Variants in SLC34A1 observed in about 807,000 individuals in gnomAD.
SLC34A1 encodes the protein sodium-dependent phosphate transport protein 2A.
SLC34A1 carries 57 observed loss-of-function variants against 51.4 expected under a neutral mutation model. The observed-to-expected ratio is 1.11, with a 90% CI of 0.90 to 1.38. The LOEUF is 1.38. Ranked by LOEUF, SLC34A1 falls within the 40% of genes most tolerant of loss-of-function variation. The probability of loss-of-function intolerance (pLI) is 0.00; values close to 1 mark genes in which losing one functional copy is unlikely to be tolerated. For missense variants in SLC34A1, 796 were observed against 835.6 expected (o/e 0.95, Z 0.58); for synonymous variants, 368 against 358.0 (o/e 1.03, Z -0.32).
At position 177,386,635 on chromosome 5, in the gene SLC34A1, G is replaced by T; in HGVS notation, c.532+69G>T. On this transcript the variant is annotated intron_variant, in intron 5 of 12. Transcript: ENST00000324417. This position sits in a 1 kb window ranked among gnomAD's most constrained non-coding sequence, Gnocchi z 4.8. ...CCAGGAGCTGGGAAGGGTGGCAAAT[G>T]GGGAGCGTGACCCCAGTAAGGCTGG... is the stretch of plus-strand genomic sequence containing the variant. 4 of 1,585,978 alleles carry T rather than the reference G, an allele frequency of 2.5e-6. No individual in the cohort carries two copies. The highest frequency in any genetic ancestry group is 3.4e-6 in the Non-Finnish European group (4 of 1,161,026).
chr5:177,385,750 C>T lies in SLC34A1; in HGVS notation c.9C>T (p.Ser3=), dbSNP rs1280388680. 1.3e-5 allele frequency: 21 copies of T among 1,612,412 alleles called. No homozygotes were observed. The highest frequency in any genetic ancestry group is 1.8e-5 in the Non-Finnish European group (21 of 1,179,502). The change falls in exon 2 of 13, where the codon TCC becomes TCT. Residue 3 remains serine (S), a synonymous_variant. Coordinates refer to ENST00000324417, the MANE Select transcript of SLC34A1 (RefSeq NM_003052.5). ML[S]YGERLGSPAV... is the part of the protein sequence containing the mutation. ...CATAGTGGGTGCCCAGGATGTTGTC[C>T]TACGGAGAGAGGCTGGGGTCCCCTG...
chr5:177,397,541 T>C, intron 12 of SLC34A1: 1 of 596,606 alleles, frequency 1.7e-6, no homozygotes. Context: ...GAGGGGTCAG[T>C]GGGGAAAATG....
chr5:177,390,099 C>T, intron 8 of SLC34A1: 1 of 1,103,812 alleles, frequency 9.1e-7, no homozygotes, highest in South Asian at 2.7e-5. Flanking sequence ...AAAGACGGGC[C>T]ACAGAGTCTC....
chr5:177,388,320 C>T lies in SLC34A1; in HGVS notation c.884C>T (p.Ser295Phe). The T allele has an allele frequency of 6.2e-7, 1 of 1,614,182 alleles. No individual in the cohort carries two copies. The highest frequency in any genetic ancestry group is 2.2e-5 in the East Asian group (1 of 44,886). ...ACCAGCATTGCCACTGGTGATGAGT[C>T]CCTGAGGAACCACAGTCTCATCCAG... ...VITSIATGDESLRNHSLIQIW... is the reference protein window; with the variant it reads ...VITSIATGDEFLRNHSLIQIW... Residue 295 changes from serine (S) to phenylalanine (F), a missense_variant, in exon 8 of 13, where the codon TCC becomes TTC. Coordinates refer to ENST00000324417, the MANE Select transcript of SLC34A1 (RefSeq NM_003052.5). This position sits in a 1 kb window ranked among gnomAD's most constrained non-coding sequence, Gnocchi z 4.3.
In SLC34A1 at chr5:177,387,830, A is replaced by T; in HGVS notation, c.601A>T (p.Ile201Phe). Residue 201 changes from isoleucine to phenylalanine, a missense_variant, in exon 6 of 13, where the codon ATC (isoleucine) becomes TTC (phenylalanine). Coordinates refer to ENST00000324417, the MANE Select transcript of SLC34A1 (RefSeq NM_003052.5). Reference protein sequence around the residue: ...SNIGTSVTNTIVALMQAGDRT... With the variant: ...SNIGTSVTNTFVALMQAGDRT... ...CATCGGCACCTCTGTCACCAACACC[A>T]TCGTGGCCCTGATGCAGGCGGGGGA... The T allele has an allele frequency of 2.5e-6, 4 of 1,604,188 alleles. No individual in the cohort carries two copies. The highest frequency in any genetic ancestry group is 3.4e-6 in the Non-Finnish European group (4 of 1,177,088).
At chr5:177,395,525 G>A (rs1762929437) in intron 10 of SLC34A1, among the ~76,000 whole-genome samples, 1 of 152,186 alleles carries the variant, frequency 6.6e-6, no homozygotes, top group African/African-American at 2.4e-5. Context: ...CACGGAAGGG[G>A]CCAGAGCATG....
intron 5 of SLC34A1, among the ~76,000 whole-genome samples, chr5:177,387,501 C>T (rs1012486968): frequency 3.3e-5 from 5 of 152,246 alleles, no homozygotes; most frequent in Admixed American, 1.3e-4. Flanking sequence ...GCCCTCATAA[C>T]GAAGGCCTCA....
chr5:177,393,586 G>A, intron 8 of SLC34A1, 108 bp from the exon 9 acceptor site: 1 of 1,026,568 alleles, frequency 9.7e-7, no homozygotes, highest in Non-Finnish European at 1.5e-6. Flanking sequence ...CATGGTCACA[G>A]AGCAGGAGGC....
Position 177,389,505 on chromosome 5 carries a change from T to A in SLC34A1, c.936+1133T>A, listed in dbSNP as rs1021715004. Reference sequence around the variant, plus strand: ...AGCCTCTGAGTGTTCAAAGCAGCCTTACATAAAAAAAAACCCCTGCGGGCA... The same window carrying A: ...AGCCTCTGAGTGTTCAAAGCAGCCTAACATAAAAAAAAACCCCTGCGGGCA... On this transcript the variant is annotated intron_variant, in intron 8 of 12. Transcript: ENST00000324417. 7 of 1,108,258 alleles carry A rather than the reference T, an allele frequency of 6.3e-6. No individual in the cohort carries two copies. The East Asian group carries it at 1.8e-4, about 29-fold the overall frequency. The allele number at this position is 1,108,258 out of a possible 1,614,324, so 68.7% of individuals were successfully genotyped here.
rs1175427150 is a variant in SLC34A1, at chr5:177,398,201, C to G, written c.1835C>G (p.Pro612Arg). Residue 612 changes from proline to arginine, a missense_variant, in exon 13 of 13, where the codon CCC becomes CGC. Physicochemically the swap from Pro to Arg is moderately radical, Grantham distance 103. Coordinates refer to ENST00000324417, the MANE Select transcript of SLC34A1 (RefSeq NM_003052.5). This position sits in a 1 kb window ranked among gnomAD's most constrained non-coding sequence, Gnocchi z 4.7. ...RPEPRSPPLP[P>R]RVFLEELPPA... ...GAGCCCCGCTCACCCCCGCTGCCCC[C>G]CAGGGTCTTCCTGGAGGAGCTACCC... 6 of 1,607,870 alleles carry G rather than the reference C, an allele frequency of 3.7e-6. No individual in the cohort carries two copies. Among genetic ancestry groups the G allele is most frequent in the Non-Finnish European group, 5.1e-6 (6 of 1,179,862 alleles).
intron 8 of SLC34A1, chr5:177,390,551 C>T: frequency 4.7e-6 from 1 of 213,110 alleles, no homozygotes; most frequent in Non-Finnish European, 8.0e-6. Context: ...GTCTGACATT[C>T]TACTATGTAT....
chr5:177,390,019 G>C, intron 8 of SLC34A1: 4 of 1,311,738 alleles, frequency 3.0e-6, no homozygotes, highest in Non-Finnish European at 3.9e-6. Flanking sequence ...CCCCGAAGGA[G>C]TGTGACTCAC....
intron 8 of SLC34A1, chr5:177,390,130 G>A (rs2127350211): frequency 9.6e-7 from 1 of 1,036,920 alleles, no homozygotes; most frequent in African/African-American, 1.7e-5. Context: ...CTTCCAACCT[G>A]TTCCCATTGA....
chr5:177,398,203 A>G lies in SLC34A1; in HGVS notation c.1837A>G (p.Arg613Gly), dbSNP rs754248536. Residue 613 changes from arginine (R) to glycine (G), a missense_variant, in exon 13 of 13, where the codon AGG becomes GGG. Arg to Gly is a moderately radical substitution (Grantham distance 125, BLOSUM62 -2). Coordinates refer to ENST00000324417, the MANE Select transcript of SLC34A1 (RefSeq NM_003052.5). This position sits in a 1 kb window ranked among gnomAD's most constrained non-coding sequence, Gnocchi z 4.7. ...GCCCCGCTCACCCCCGCTGCCCCCC[A>G]GGGTCTTCCTGGAGGAGCTACCCCC... ...PEPRSPPLPP[R>G]VFLEELPPAT... 2 of 1,599,972 alleles carry G rather than the reference A, an allele frequency of 1.3e-6. No individual in the cohort carries two copies. The highest frequency in any genetic ancestry group is 1.7e-6 in the Non-Finnish European group (2 of 1,174,578).
At chr5:177,389,783 T>C in intron 8 of SLC34A1, 1 of 1,536,132 alleles carries the variant, frequency 6.5e-7, no homozygotes, top group Non-Finnish European at 8.7e-7. Flanking sequence ...AGCCTCCACG[T>C]CCTCACTTGA....
At chr5:177,393,582 C>T in intron 8 of SLC34A1, 112 bp from the exon 9 acceptor site, 1 of 994,660 alleles carries the variant, frequency 1.0e-6, no homozygotes, top group African/African-American at 1.6e-5. Context: ...CATCCATGGT[C>T]ACAGAGCAGG....
rs747709494 is a variant in SLC34A1 at position 177,396,827 on chromosome 5, C to T, written c.1269C>T (p.Thr423=). 2 of 1,614,122 alleles carry T rather than the reference C, an allele frequency of 1.2e-6. No individual in the cohort carries two copies. Among genetic ancestry groups the T allele is most frequent in the Non-Finnish European group, 1.7e-6 (2 of 1,180,050 alleles). Reference sequence around the variant, plus strand: ...TGGTCCAGAGCAGTTCTGTGTTCACCTCGGCCATCACCCCACTCATCGGTG... The same window carrying T: ...TGGTCCAGAGCAGTTCTGTGTTCACTTCGGCCATCACCCCACTCATCGGTG... ...TFVVQSSSVF[T]SAITPLIGLG... is the part of the protein sequence containing the mutation. Residue 423 remains threonine, a synonymous_variant, in exon 11 of 13, where the codon ACC becomes ACT. Transcript: ENST00000324417. This position sits in a 1 kb window ranked among gnomAD's most constrained non-coding sequence, Gnocchi z 4.0.
Position 177,385,795 on chromosome 5 carries a change from C to T in SLC34A1, c.54C>T (p.Val18=). 1 of 1,613,320 alleles carries T rather than the reference C, an allele frequency of 6.2e-7. No individual in the cohort carries two copies. Among genetic ancestry groups the T allele is most frequent in the Non-Finnish European group, 8.5e-7 (1 of 1,179,906 alleles). Residue 18 remains valine, a synonymous_variant, in exon 2 of 13, where the codon GTC becomes GTT. Transcript: ENST00000324417. ...LGSPAVSPLP[V]RGGHVMRGTA... is the part of the protein sequence containing the mutation. ...CCCCTGCTGTCTCCCCACTCCCAGTCCGTGGGGGGCATGTGATGCGAGGGA... is the reference window on the plus strand; with the variant it reads ...CCCCTGCTGTCTCCCCACTCCCAGTTCGTGGGGGGCATGTGATGCGAGGGA...
intron 8 of SLC34A1, among the ~76,000 whole-genome samples, chr5:177,389,116 G>A (rs887877732): frequency 1.3e-5 from 2 of 152,114 alleles, no homozygotes; most frequent in Admixed American, 1.3e-4. Flanking sequence ...TTCTAATACT[G>A]GGAAGATCTG....
Sources: allele counts gnomAD v4.1 joint callset (sites outside exome capture counted in the v4.1 genomes callset), GRCh38; gene constraint gnomAD v4.1.1; non-coding constraint Gnocchi (gnomAD v3.1); transcripts MANE v1.5; gene names NCBI Gene and HGNC (gene_info 2026-07-23, HGNC 2026-07-21).